NELFB: variants seen among roughly 807,000 people sequenced by gnomAD.
NELFB encodes negative elongation factor B.
A neutral mutation model predicts 60.2 loss-of-function variants in NELFB; 34 were observed. That is an observed-to-expected ratio of 0.56 (90% CI 0.43 to 0.75). The LOEUF (loss-of-function observed/expected upper bound fraction) is 0.75. NELFB is among the 30% of genes least tolerant of loss of function. The pLI is 0.00. For synonymous variants in NELFB, 459 were observed against 382.1 expected, an observed-to-expected ratio of 1.20 and a Z score of -2.35; for missense variants, 770 against 831.6, an observed-to-expected ratio of 0.93 and a Z score of 0.91.
chr9:137,266,734 A>G (rs972819987), intron 8 of NELFB, among the ~76,000 whole-genome samples: 1 of 151,544 alleles, frequency 6.6e-6, no homozygotes, highest in African/African-American at 2.4e-5. Context: ...TGACTACTCC[A>G]TGTGGGTCCA....
At chr9:137,264,134 G>C in intron 5 of NELFB, 111 bp from the exon 6 acceptor site, 1 of 767,532 alleles carries the variant, frequency 1.3e-6, no homozygotes, top group Non-Finnish European at 2.1e-6. Flanking sequence ...GCCGCCCCCC[G>C]CAGCAGCTAT....
chr9:137,255,981 G>A lies in NELFB; in HGVS notation c.321G>A (p.Leu107=). Residue 107 remains leucine, a synonymous_variant, in exon 2 of 13, where the codon CTG becomes CTA. Coordinates refer to ENST00000343053, the MANE Select transcript of NELFB (RefSeq NM_015456.5). ...TGGACCTGCACGGGACGCCGCGGCT[G>A]GAGTTCCACCAGTCGGTATTCGATG... 2 of 1,613,972 alleles carry A rather than the reference G, an allele frequency of 1.2e-6. No homozygotes were observed. Among genetic ancestry groups the A allele is most frequent in the Non-Finnish European group, 1.7e-6 (2 of 1,180,020 alleles).
intron 11 of NELFB, 70 bp from the exon 12 acceptor site, chr9:137,272,436 CT>C: frequency 6.6e-7 from 1 of 1,506,608 alleles, no homozygotes; most frequent in Admixed American, 2.0e-5. Flanking sequence ...CCTTGGCCAC[CT>C]GCATCTGGGC....
Position 137,255,567 on chromosome 9 carries a change from C to G in NELFB, c.202C>G (p.Leu68Val), listed in dbSNP as rs1196263664. ...CAACGGCGAGGACCTGAAGGAGACC[C>G]TGACCAACTGCACGGAGCCGCTCAA... The change falls in exon 1 of 13, where the codon CTG becomes GTG. Residue 68 changes from leucine (L) to valine (V), a missense_variant. Coordinates refer to ENST00000343053, the MANE Select transcript of NELFB (RefSeq NM_015456.5). 6.5e-7 allele frequency: 1 copy of G among 1,549,976 alleles called. No homozygotes were observed. Among genetic ancestry groups the G allele is most frequent in the Non-Finnish European group, 8.7e-7 (1 of 1,147,182 alleles).
intron 4 of NELFB, 71 bp from the exon 5 acceptor site, chr9:137,262,966 C>T: frequency 6.5e-7 from 1 of 1,546,892 alleles, no homozygotes; most frequent in Non-Finnish European, 8.8e-7. Context: ...CGCGCTGTCG[C>T]CGGGCGTGAC....
At chr9:137,258,622 TA>T (rs1837595187) in intron 4 of NELFB, among the ~76,000 whole-genome samples, 1 of 151,560 alleles carries the variant, frequency 6.6e-6, no homozygotes, top group African/African-American at 2.4e-5. Flanking sequence ...CTAATTTTTT[TA>T]TTTTTTTGTT....
intron 11 of NELFB, 56 bp downstream of exon 11, chr9:137,272,278 C>T: frequency 6.3e-7 from 1 of 1,599,612 alleles, no homozygotes; most frequent in Non-Finnish European, 8.5e-7. Flanking sequence ...TTGTCCGTAG[C>T]AGCCTGAGAG....
chr9:137,258,906 T>G (rs1334307483), intron 4 of NELFB, among the ~76,000 whole-genome samples: 1 of 152,184 alleles, frequency 6.6e-6, no homozygotes, highest in Non-Finnish European at 1.5e-5. Context: ...CAGCATGTAA[T>G]TCATGTGAAA....
intron 4 of NELFB, among the ~76,000 whole-genome samples, chr9:137,259,031 GA>G (rs1047511519): frequency 2.6e-3 from 392 of 151,464 alleles, no homozygotes; most frequent in African/African-American, 8.9e-3. Flanking sequence ...GTCTCTACAA[GA>G]AAAAAAAATT....
intron 10 of NELFB, among the ~76,000 whole-genome samples, chr9:137,271,098 C>T (rs899674054): frequency 2.6e-5 from 4 of 152,376 alleles, no homozygotes; most frequent in Non-Finnish European, 5.9e-5. Context: ...TCTCCTGTCT[C>T]GCAGTCTTGG....
At position 137,255,931 on chromosome 9, in the gene NELFB, T is replaced by G. The variant is rs1401317443; in HGVS notation, c.271T>G (p.Ser91Ala). ...GACAGAGAATGGTGTGCTGCTGCCA[T>G]CTCTTCAGTCAGCCCTCCCCTTCTT... The change falls in exon 2 of 13, where the codon TCT becomes GCT. Residue 91 changes from serine to alanine, a missense_variant. Ser to Ala is a moderately conservative substitution (Grantham distance 99). Coordinates refer to ENST00000343053, the MANE Select transcript of NELFB (RefSeq NM_015456.5). 1 of 1,614,036 alleles carries G rather than the reference T, an allele frequency of 6.2e-7. No individual in the cohort carries two copies.
chr9:137,258,634 T>C (rs1001032894), intron 4 of NELFB, among the ~76,000 whole-genome samples: 3 of 151,734 alleles, frequency 2.0e-5, no homozygotes, highest in Non-Finnish European at 2.9e-5. Flanking sequence ...TTTTTTTGTT[T>C]AGTACAGACA....
rs1830591890 is a variant in NELFB, at chr9:137,272,177, TCTG to T, written c.1588_1590del (p.Cys530del). 1 of 1,614,078 alleles carries T rather than the reference TCTG, an allele frequency of 6.2e-7. No individual in the cohort carries two copies. Among genetic ancestry groups the T allele is most frequent in the African/African-American group, 1.3e-5 (1 of 74,952 alleles). The stretch of plus-strand genomic sequence containing the variant: ...GCCGACGAATTTGCCCTTGAGGACT[TCTG>T]CAGCAGCCTCTTCGATGGCTTCTTC... On this transcript the variant is annotated inframe_deletion, in exon 11 of 13. Coordinates refer to ENST00000343053, the MANE Select transcript of NELFB (RefSeq NM_015456.5).
chr9:137,261,467 G>A (rs916630264), intron 4 of NELFB, among the ~76,000 whole-genome samples: 5 of 151,714 alleles, frequency 3.3e-5, no homozygotes, highest in East Asian at 1.9e-4. Context: ...AGACCAGCCC[G>A]GGCAACATGG....
rs768500766 is a variant in NELFB, at chr9:137,267,261, G to A, written c.1404G>A (p.Met468Ile). 3 of 1,612,794 alleles carry A rather than the reference G, an allele frequency of 1.9e-6. No individual in the cohort carries two copies. The East Asian group carries it at 6.7e-5, about 36-fold the overall frequency. ...GCAGGTTTCTGCAGGAGCAGCGCAT[G>A]GCCTGCGAGGTGGGGCTGTACTACG... The change falls in exon 10 of 13, where the codon ATG becomes ATA. Residue 468 changes from methionine (M) to isoleucine (I), a missense_variant. Physicochemically the swap from Met to Ile is conservative, Grantham distance 10. Transcript: ENST00000343053.
rs1177306722 is a variant in NELFB, at chr9:137,263,313, CT to C, written c.927+93del. On this transcript the variant is annotated intron_variant, in intron 5 of 12. Coordinates refer to ENST00000343053, the MANE Select transcript of NELFB (RefSeq NM_015456.5). ...CCCTCCCACTCCCCGGCCCTCCCTCCTTCCCCCACTGCCCTCCTGAAGGTAG... is the reference window on the plus strand; with the variant it reads ...CCCTCCCACTCCCCGGCCCTCCCTCCTCCCCCACTGCCCTCCTGAAGGTAG... 3.9e-5 allele frequency: 48 copies of C among 1,227,592 alleles called. No homozygotes were observed. The African/African-American group carries it at 6.6e-4, about 17-fold the overall frequency. 76.0% of individuals were successfully genotyped at this position (1,227,592 alleles called of 1,614,324 possible). A position where few individuals can be genotyped will look rare whatever the true frequency, so the allele number is the denominator to read the frequency against.
Position 137,266,420 on chromosome 9 carries a change from CA to C in NELFB, c.1235del (p.Lys412ArgfsTer4). 1 of 1,612,546 alleles carries C rather than the reference CA, an allele frequency of 6.2e-7. No homozygotes were observed. The highest frequency in any genetic ancestry group is 1.7e-5 in the Admixed American group (1 of 59,980). On this transcript the variant is annotated frameshift_variant, in exon 8 of 13. Coordinates refer to ENST00000343053, the MANE Select transcript of NELFB (RefSeq NM_015456.5). LOFTEE classifies it high-confidence loss of function. Reference sequence around the variant, plus strand: ...TCGACAGCCAGGTCTTCAAGGAGCCCAAGATGGTAACGAGCCTCCTGTGGGG... The same window carrying C: ...TCGACAGCCAGGTCTTCAAGGAGCCCAGATGGTAACGAGCCTCCTGTGGGG...
rs150064508 is a variant in NELFB at position 137,269,139 on chromosome 9, C to T, written c.1489+1793C>T. ...CGGTGGCTGGTGTGTTTGAGGATGG[C>T]GCGTGCATGCGTTTTCCAGCTTTCT... On this transcript the variant is annotated intron_variant, in intron 10 of 12. Coordinates refer to ENST00000343053, the MANE Select transcript of NELFB (RefSeq NM_015456.5). The surrounding 1 kb of genome is among the most constrained non-coding windows in gnomAD (Gnocchi z 5.3). 2.3e-4 allele frequency among the ~76,000 whole-genome samples: 35 copies of T among 151,854 alleles called. No individual in the cohort carries two copies. Among genetic ancestry groups the T allele is most frequent in the East Asian group, 2.1e-3 (11 of 5,160 alleles).
chr9:137,265,017 C>T (rs1177576739), intron 6 of NELFB, among the ~76,000 whole-genome samples: 1 of 150,772 alleles, frequency 6.6e-6, no homozygotes, highest in African/African-American at 2.4e-5. Context: ...CTGCCTTTGC[C>T]ACTTTTTTTC....
Sources: gnomAD v4.1 joint callset for allele counts (sites outside exome capture counted in the v4.1 genomes callset) on GRCh38, gnomAD v4.1.1 for gene constraint, Gnocchi (gnomAD v3.1) non-coding constraint, MANE v1.5 for transcripts, NCBI Gene and HGNC (gene_info 2026-07-23, HGNC 2026-07-21) for gene names.